The following PSMD12 variants were observed in gnomAD, a reference collection of about 807,000 sequenced individuals.
PSMD12 encodes the protein 26S proteasome non-ATPase regulatory subunit 12.
Under a neutral mutation model 62.9 loss-of-function variants are expected in PSMD12, and 8 were observed. The ratio of observed to expected loss-of-function variants is 0.13; its 90% CI spans 0.07 to 0.23. The LOEUF is 0.23. Ranked by LOEUF, PSMD12 falls within the 10% of genes least tolerant of loss-of-function variation. The probability of loss-of-function intolerance (pLI) is 1.00; values close to 1 mark genes in which losing one functional copy is unlikely to be tolerated. For synonymous variants in PSMD12, 173 were observed against 187.4 expected, an observed-to-expected ratio of 0.92 and a Z score of 0.63; for missense variants, 424 against 550.2, an observed-to-expected ratio of 0.77 and a Z score of 2.29.
intron 1 of PSMD12, among the ~76,000 whole-genome samples, chr17:67,362,229 C>T (rs1041450691): frequency 1.3e-5 from 2 of 152,162 alleles, no homozygotes; most frequent in African/African-American, 4.8e-5. Context: ...CATATCTTTA[C>T]AGTGCAGAAA....
At position 67,338,433 on chromosome 17, in the gene PSMD12, A is replaced by G. The variant is rs2041879062; in HGVS notation, c.*2410T>C. On this transcript the variant is annotated 3_prime_UTR_variant, in exon 11 of 11. Transcript: ENST00000356126. ...AATACCTCATATATTTGCTGGATTA[A>G]TGTTTGACAGGAAAAAACACGAAAT... is the stretch of plus-strand genomic sequence containing the variant. 1.3e-5 allele frequency: 2 copies of G among 152,256 alleles called. No homozygotes were observed. Among genetic ancestry groups the G allele is most frequent in the Admixed American group, 1.3e-4 (2 of 15,276 alleles). 9.4% of individuals were successfully genotyped at this position (152,256 alleles called of 1,614,324 possible).
intron 7 of PSMD12, among the ~76,000 whole-genome samples, chr17:67,346,462 G>T (rs1379863020): frequency 6.6e-6 from 1 of 151,788 alleles, no homozygotes; most frequent in Non-Finnish European, 1.5e-5. Context: ...CTACTCAGGA[G>T]ACTGAGGCAG....
At chr17:67,361,672 G>A (rs965874487) in intron 1 of PSMD12, among the ~76,000 whole-genome samples, 1 of 152,070 alleles carries the variant, frequency 6.6e-6, no homozygotes, top group East Asian at 1.9e-4. Flanking sequence ...ATTCCTTAAA[G>A]GGGTCTCTTT....
Position 67,357,420 on chromosome 17 carries a change from C to T in PSMD12, c.180G>A (p.Met60Ile). Residue 60 changes from methionine to isoleucine, a missense_variant, in exon 3 of 11, where the codon ATG becomes ATA. Physicochemically the swap from Met to Ile is conservative, Grantham distance 10 (BLOSUM62 1). Coordinates refer to ENST00000356126, the MANE Select transcript of PSMD12 (RefSeq NM_002816.5). The stretch of plus-strand genomic sequence containing the variant: ...CAACTAAGATACGGGATGTCGATAC[C>T]ATATCGGAAGCCTGTAAGGGTAAAA... Reference protein sequence around the residue: ...LEKQTRTASDMVSTSRILVAV... With the variant: ...LEKQTRTASDIVSTSRILVAV... The T allele has an allele frequency of 6.2e-7, 1 of 1,613,594 alleles. No individual in the cohort carries two copies.
intron 9 of PSMD12, among the ~76,000 whole-genome samples, chr17:67,344,111 A>G (rs1188405470): frequency 1.3e-5 from 2 of 152,244 alleles, no homozygotes; most frequent in African/African-American, 4.8e-5. Flanking sequence ...GAATGGCAAC[A>G]TAATACAACA....
At chr17:67,352,625 G>A (rs2042028963) in intron 3 of PSMD12, among the ~76,000 whole-genome samples, 2 of 152,168 alleles carry the variant, frequency 1.3e-5, no homozygotes, top group Non-Finnish European at 2.9e-5. Context: ...CTCCACTTAC[G>A]AAGGTTTTGC....
chr17:67,347,556 A>AT, intron 5 of PSMD12, 71 bp from the exon 6 acceptor site: 1 of 1,385,808 alleles, frequency 7.2e-7, no homozygotes, highest in Admixed American at 2.2e-5. Context: ...AATGAAATAG[A>AT]TATTAAAATA....
chr17:67,355,705 C>T (rs2042062254), intron 3 of PSMD12, among the ~76,000 whole-genome samples: 1 of 152,024 alleles, frequency 6.6e-6, no homozygotes, highest in African/African-American at 2.4e-5. Flanking sequence ...TACAGGGGAA[C>T]ATTTAAATAT....
intron 1 of PSMD12, among the ~76,000 whole-genome samples, chr17:67,359,110 C>T (rs1330617128): frequency 6.6e-6 from 1 of 152,108 alleles, no homozygotes; most frequent in Non-Finnish European, 1.5e-5. Flanking sequence ...AATCCCAGCA[C>T]TTTGGGAGGC....
chr17:67,346,392 C>CAA (rs59605959), intron 7 of PSMD12, among the ~76,000 whole-genome samples: 10 of 83,412 alleles, frequency 1.2e-4, no homozygotes, highest in African/African-American at 4.4e-4. Context: ...GACTCTGTCT[C>CAA]AAAAAAAAAA....
rs1235963620 is a variant in PSMD12, at chr17:67,338,704, T to A, written c.*2139A>T. On this transcript the variant is annotated 3_prime_UTR_variant, in exon 11 of 11. Transcript: ENST00000356126. ...CCATCTCTACTAAAAACACAAAAAT[T>A]AGCTAGGTGTGGTGGCAGGCGCCTA... is the stretch of plus-strand genomic sequence containing the variant. The A allele has an allele frequency of 6.6e-6, 1 of 151,952 alleles. No homozygotes were observed. The highest frequency in any genetic ancestry group is 1.5e-5 in the Non-Finnish European group (1 of 68,014). 9.4% of individuals were successfully genotyped at this position (151,952 alleles called of 1,614,324 possible).
intron 1 of PSMD12, among the ~76,000 whole-genome samples, chr17:67,358,604 A>AAAAAAAG (rs888237721): frequency 3.3e-5 from 5 of 151,520 alleles, no homozygotes; most frequent in African/African-American, 9.7e-5. Flanking sequence ...AAAAAAAGAA[A>AAAAAAAG]AAAAAAGTAG....
intron 4 of PSMD12, among the ~76,000 whole-genome samples, chr17:67,349,154 G>C (rs2041995816): frequency 6.6e-6 from 1 of 152,146 alleles, no homozygotes; most frequent in African/African-American, 2.4e-5. Context: ...AGAGTAGCTG[G>C]GATTACAGGC....
intron 1 of PSMD12, 82 bp from the exon 2 acceptor site, chr17:67,357,660 G>C (rs1188912757): frequency 2.1e-6 from 3 of 1,402,344 alleles, no homozygotes; most frequent in Non-Finnish European, 3.0e-6. Flanking sequence ...TTTTGACACA[G>C]AAAAGGAAAA....
chr17:67,363,487 T>C lies in PSMD12; in HGVS notation c.108+2925A>G, dbSNP rs148070648. On this transcript the variant is annotated intron_variant, in intron 1 of 10. Transcript: ENST00000356126. ...TGCCTTAAGGAAATTAAGGACAGAATTGATAATCTCTTAAAGAGGTAGTAG... is the reference window on the plus strand; with the variant it reads ...TGCCTTAAGGAAATTAAGGACAGAACTGATAATCTCTTAAAGAGGTAGTAG... Among the ~76,000 whole-genome samples, 60 of 152,278 alleles carry C rather than the reference T, an allele frequency of 3.9e-4. 1 individual carries two copies. The East Asian group carries it at 0.01, about 26-fold the overall frequency.
rs554780051 is a variant in PSMD12, at chr17:67,360,335, C to G, written c.109-2757G>C. On this transcript the variant is annotated intron_variant, in intron 1 of 10. Coordinates refer to ENST00000356126, the MANE Select transcript of PSMD12 (RefSeq NM_002816.5). ...TACATGTGAGAGAATCACACATTGG[C>G]CTAAAGCCACAGTCTGGAGTATCAA... 3.3e-5 allele frequency among the ~76,000 whole-genome samples: 5 copies of G among 152,236 alleles called. No individual in the cohort carries two copies. In the South Asian group the frequency reaches 6.2e-4, roughly 19 times the overall value.
At chr17:67,361,574 T>G (rs1302963985) in intron 1 of PSMD12, among the ~76,000 whole-genome samples, 1 of 151,524 alleles carries the variant, frequency 6.6e-6, no homozygotes, top group Non-Finnish European at 1.5e-5. Context: ...AGAGCGAAAC[T>G]CGGTCTAAAA....
chr17:67,352,654 C>T (rs1381468262), intron 3 of PSMD12, among the ~76,000 whole-genome samples: 1 of 152,200 alleles, frequency 6.6e-6, no homozygotes, highest in Non-Finnish European at 1.5e-5. Context: ...TTCAGTTAGC[C>T]ATGGTCAACT....
Position 67,366,515 on chromosome 17 carries a change from G to A in PSMD12, c.5C>T (p.Ala2Val). 6.2e-7 allele frequency: 1 copy of A among 1,605,524 alleles called. No individual in the cohort carries two copies. Residue 2 changes from alanine (A) to valine (V), a missense_variant, in exon 1 of 11, where the codon GCG becomes GTG. By Grantham distance (64) the Ala-to-Val change is moderately conservative. Coordinates refer to ENST00000356126, the MANE Select transcript of PSMD12 (RefSeq NM_002816.5). Reference sequence around the variant, plus strand: ...GTCAGCCCGCTCCGAGCCGCCGTCCGCCATGGTCCCCGCCTGAGCGTCCCT... The same window carrying A: ...GTCAGCCCGCTCCGAGCCGCCGTCCACCATGGTCCCCGCCTGAGCGTCCCT... M[A>V]DGGSERADGR...
Sources: gnomAD v4.1 joint callset for allele counts (sites outside exome capture counted in the v4.1 genomes callset) on GRCh38, gnomAD v4.1.1 for gene constraint, MANE v1.5 for transcripts, NCBI Gene and HGNC (gene_info 2026-07-23, HGNC 2026-07-21) for gene names.